Variants in MICAL2 observed in about 807,000 individuals in gnomAD.
MICAL2 encodes [F-actin]-monooxygenase MICAL2.
In MICAL2, 77 loss-of-function variants were observed where a neutral mutation model predicts 127.3. The observed-to-expected ratio is 0.60, with a 90% CI of 0.50 to 0.73. MICAL2 has a LOEUF of 0.73. Ranked by LOEUF, MICAL2 falls within the 30% of genes least tolerant of loss-of-function variation. The pLI, the probability that MICAL2 is intolerant of heterozygous loss-of-function variation, is 0.00. For missense variants in MICAL2, 1,351 were observed against 1,434.4 expected, an observed-to-expected ratio of 0.94 and a Z score of 0.94; for synonymous variants, 570 against 551.1, an observed-to-expected ratio of 1.03 and a Z score of -0.48.
intron 1 of MICAL2, among the ~76,000 whole-genome samples, chr11:12,279,866 G>A (rs1216098192): frequency 6.6e-6 from 1 of 152,220 alleles, no homozygotes. Flanking sequence ...CAGGACTGGG[G>A]CACCATGACC....
intron 24 of MICAL2, among the ~76,000 whole-genome samples, chr11:12,268,813 A>AC (rs1343344401): frequency 1.0e-4 from 15 of 149,680 alleles, no homozygotes; most frequent in Middle Eastern, 3.4e-3. Flanking sequence ...ACATGGTGAA[A>AC]CACTGTCTCT....
chr11:12,245,833 C>G (rs1860660683), intron 21 of MICAL2, among the ~76,000 whole-genome samples: 1 of 152,208 alleles, frequency 6.6e-6, no homozygotes, highest in South Asian at 2.1e-4. Context: ...GGACCTTCCC[C>G]AGGGTATACT....
intron 3 of MICAL2, chr11:12,197,855 A>G (rs1860141552): frequency 1.3e-5 from 2 of 152,260 alleles, no homozygotes; most frequent in African/African-American, 2.4e-5. Context: ...AAGAACAGAG[A>G]GAAACGGAAT....
intron 2 of MICAL2, among the ~76,000 whole-genome samples, chr11:12,155,544 GCA>G (rs1488211023): frequency 2.6e-5 from 4 of 151,886 alleles, no homozygotes; most frequent in African/African-American, 9.7e-5. Context: ...ATACACATAT[GCA>G]CACACATACA....
chr11:12,224,894 T>C, intron 13 of MICAL2, 74 bp downstream of exon 13: 1 of 1,510,226 alleles, frequency 6.6e-7, no homozygotes, highest in Non-Finnish European at 9.0e-7. Flanking sequence ...AGAATCTTCA[T>C]TACTTGGTTC....
intron 29 of MICAL2, among the ~76,000 whole-genome samples, chr11:12,314,129 G>T (rs1864205553): frequency 1.3e-5 from 2 of 150,886 alleles, no homozygotes; most frequent in African/African-American, 2.4e-5. Context: ...CCAATTTGAT[G>T]GTCTCTTTTA....
intron 1 of MICAL2, among the ~76,000 whole-genome samples, chr11:12,128,558 T>G (rs1851136627): frequency 6.6e-6 from 1 of 152,110 alleles, no homozygotes; most frequent in Non-Finnish European, 1.5e-5. Flanking sequence ...CACAAAGAGG[T>G]GCAGGGAGAG....
chr11:12,286,593 G>C (rs1018217820), intron 2 of MICAL2, among the ~76,000 whole-genome samples: 3 of 152,192 alleles, frequency 2.0e-5, no homozygotes, highest in Non-Finnish European at 4.4e-5. Context: ...TTGATGCCAG[G>C]TGTGGTGGCT....
intron 29 of MICAL2, among the ~76,000 whole-genome samples, chr11:12,297,831 C>T (rs1162901138): frequency 1.3e-5 from 2 of 151,902 alleles, no homozygotes; most frequent in Admixed American, 1.3e-4. Flanking sequence ...TGAACTTGGA[C>T]TTATTTCCAC....
downstream of MICAL2, chr11:12,358,509 A>G: frequency 6.2e-7 from 1 of 1,607,660 alleles, no homozygotes; most frequent in Non-Finnish European, 8.5e-7. Context: ...CCCTGGCTGC[A>G]CGTTGGGACC....
At chr11:12,338,419 C>A (rs1282411857) in intron 32 of MICAL2, among the ~76,000 whole-genome samples, 2 of 152,128 alleles carry the variant, frequency 1.3e-5, no homozygotes, top group Non-Finnish European at 2.9e-5. Context: ...ATTTGCCAGT[C>A]TGTGTCTTTT....
chr11:12,325,299 G>A (rs1225439345), intron 31 of MICAL2, among the ~76,000 whole-genome samples: 5 of 151,958 alleles, frequency 3.3e-5, no homozygotes, highest in African/African-American at 1.2e-4. Flanking sequence ...TAGTAGAGAC[G>A]GGTTTTCACC....
At chr11:12,232,128 T>C (rs918231995) in intron 15 of MICAL2, among the ~76,000 whole-genome samples, 5 of 152,248 alleles carry the variant, frequency 3.3e-5, no homozygotes, top group Non-Finnish European at 5.9e-5. Context: ...TAGTAAATGA[T>C]AGTTCTTTTC....
At chr11:12,342,167 T>C (rs1399993314) in intron 32 of MICAL2, among the ~76,000 whole-genome samples, 2 of 152,156 alleles carry the variant, frequency 1.3e-5, no homozygotes, top group Non-Finnish European at 2.9e-5. Flanking sequence ...ACTGGGCCAT[T>C]CTATTCACAG....
At chr11:12,188,625 A>AT (rs1448293180) in intron 3 of MICAL2, among the ~76,000 whole-genome samples, 2 of 152,162 alleles carry the variant, frequency 1.3e-5, no homozygotes, top group African/African-American at 4.8e-5. Context: ...TGATGAACCA[A>AT]TCTTCTCTCA....
At chr11:12,122,543 G>C (rs1296383770) in intron 1 of MICAL2, among the ~76,000 whole-genome samples, 1 of 152,108 alleles carries the variant, frequency 6.6e-6, no homozygotes, top group Non-Finnish European at 1.5e-5. Context: ...CGAGTAGCTG[G>C]GATTACAGGC....
At chr11:12,159,201 A>G (rs538687527) in intron 2 of MICAL2, among the ~76,000 whole-genome samples, 3 of 152,206 alleles carry the variant, frequency 2.0e-5, no homozygotes, top group African/African-American at 7.2e-5. Flanking sequence ...CCGAAGACGA[A>G]GTTGTTCATT....
intron 1 of MICAL2, among the ~76,000 whole-genome samples, chr11:12,120,521 C>G (rs1400254795): frequency 6.6e-6 from 1 of 152,100 alleles, no homozygotes; most frequent in African/African-American, 2.4e-5. Context: ...TGGCTGAACA[C>G]CGAGACAGAG....
Position 12,124,936 on chromosome 11 carries a change from G to T in MICAL2, c.-148-13454G>T, listed in dbSNP as rs559352337. Reference sequence around the variant, plus strand: ...CCTCCACAGTTCCTGTGTCCTTCTGGTCACTAACCCATTCCACCATTGTTG... The same window carrying T: ...CCTCCACAGTTCCTGTGTCCTTCTGTTCACTAACCCATTCCACCATTGTTG... On this transcript the variant is annotated intron_variant, in intron 1 of 27. Transcript: ENST00000683283. Among the ~76,000 whole-genome samples the T allele has an allele frequency of 3.9e-5, 6 of 152,286 alleles. 1 individual carries two copies. The South Asian group carries it at 1.2e-3, about 32-fold the overall frequency.
Sources: gnomAD v4.1 joint callset for allele counts (sites outside exome capture counted in the v4.1 genomes callset) on GRCh38, gnomAD v4.1.1 for gene constraint, MANE v1.5 for transcripts, NCBI Gene and HGNC (gene_info 2026-07-23, HGNC 2026-07-21) for gene names.